The following TASP1 variants were observed in gnomAD, a reference collection of about 807,000 sequenced individuals.
TASP1 encodes the protein taspase 1.
In TASP1, 16 loss-of-function variants were observed where a neutral mutation model predicts 56.6. That is an observed-to-expected ratio of 0.28 (90% CI 0.19 to 0.43). TASP1 has a LOEUF of 0.43. Ranked by LOEUF, TASP1 falls within the 20% of genes least tolerant of loss-of-function variation. TASP1 has a pLI of 1.00. For synonymous variants in TASP1, 179 were observed against 184.2 expected (o/e 0.97, Z 0.23); for missense variants, 393 against 511.6 (o/e 0.77, Z 2.24).
chr20:13,448,096 T>C (rs559103032), intron 11 of TASP1, among the ~76,000 whole-genome samples: 1 of 152,288 alleles, frequency 6.6e-6, no homozygotes, highest in Non-Finnish European at 1.5e-5. Context: ...TTTGTGCTTT[T>C]ACAATTACAA....
rs556238793 is a variant in TASP1, at chr20:13,541,876, T to C, written c.676-7735A>G. On this transcript the variant is annotated intron_variant, in intron 8 of 13. Coordinates refer to ENST00000337743, the MANE Select transcript of TASP1 (RefSeq NM_017714.3). Reference sequence around the variant, plus strand: ...TTAAAACACACAGTGAAACCCTGTCTCTACTAAAAATACAAAACATGAGCC... The same window carrying C: ...TTAAAACACACAGTGAAACCCTGTCCCTACTAAAAATACAAAACATGAGCC... Among the ~76,000 whole-genome samples the C allele has an allele frequency of 2.0e-5, 3 of 151,962 alleles. No homozygotes were observed. In the South Asian group the frequency reaches 6.2e-4, roughly 32 times the overall value.
At chr20:13,480,127 G>A (rs1355366335) in intron 11 of TASP1, among the ~76,000 whole-genome samples, 1 of 152,118 alleles carries the variant, frequency 6.6e-6, no homozygotes, top group Non-Finnish European at 1.5e-5. Flanking sequence ...TTATCTGCCT[G>A]AAAAGAATTT....
chr20:13,542,692 A>G (rs887953005), intron 8 of TASP1, among the ~76,000 whole-genome samples: 2 of 152,200 alleles, frequency 1.3e-5, no homozygotes, highest in East Asian at 3.8e-4. Flanking sequence ...AAAGTAGATA[A>G]AATTTGGAAA....
intron 13 of TASP1, among the ~76,000 whole-genome samples, chr20:13,415,389 T>C (rs950786750): frequency 6.6e-6 from 1 of 152,030 alleles, no homozygotes; most frequent in Admixed American, 6.6e-5. Context: ...TAATTTTTCT[T>C]TTTGATCAAT....
chr20:13,544,883 A>C (rs1160419639), intron 8 of TASP1, among the ~76,000 whole-genome samples: 1 of 152,238 alleles, frequency 6.6e-6, no homozygotes, highest in East Asian at 1.9e-4. Context: ...GGAAGGTAAC[A>C]TGGACAATCT....
At chr20:13,487,873 T>C (rs1202862494) in intron 10 of TASP1, among the ~76,000 whole-genome samples, 7 of 152,178 alleles carry the variant, frequency 4.6e-5, no homozygotes, top group African/African-American at 1.7e-4. Context: ...AAAATCTTCT[T>C]AATGTTTTTT....
chr20:13,198,851 T>TTTCC, the TASP1 span, among the ~76,000 whole-genome samples: 6 of 71,334 alleles, frequency 8.4e-5, no homozygotes, highest in African/African-American at 2.7e-4. Flanking sequence ...TCTTTCTTTC[T>TTTCC]TTCTTTCCTT....
intron 8 of TASP1, among the ~76,000 whole-genome samples, chr20:13,542,299 T>C (rs571434783): frequency 2.0e-5 from 3 of 152,272 alleles, no homozygotes; most frequent in South Asian, 4.1e-4. Flanking sequence ...GGGCTTTACA[T>C]GATAAATGCT....
intron 13 of TASP1, among the ~76,000 whole-genome samples, chr20:13,406,514 G>C (rs957292485): frequency 6.6e-6 from 1 of 152,102 alleles, no homozygotes; most frequent in Non-Finnish European, 1.5e-5. Context: ...TAGAAGTGAT[G>C]AGTGGATGCC....
the TASP1 span, among the ~76,000 whole-genome samples, chr20:13,344,734 G>A: frequency 4.6e-5 from 7 of 152,104 alleles, no homozygotes; most frequent in South Asian, 2.1e-4. Flanking sequence ...CATGTTCCCC[G>A]AGGGCCTTGT....
chr20:13,262,906 A>G, the TASP1 span, among the ~76,000 whole-genome samples: 1 of 152,280 alleles, frequency 6.6e-6, no homozygotes, highest in Middle Eastern at 3.4e-3. Context: ...TAAAGTAAAC[A>G]TCGTTATGAT....
chr20:13,585,952 T>C (rs907921213), intron 5 of TASP1, among the ~76,000 whole-genome samples: 4 of 151,994 alleles, frequency 2.6e-5, no homozygotes, highest in African/African-American at 9.7e-5. Context: ...CTGGCCAACA[T>C]GGTGAAACCC....
intron 8 of TASP1, among the ~76,000 whole-genome samples, chr20:13,541,840 C>A (rs1164946070): frequency 1.3e-5 from 2 of 151,726 alleles, no homozygotes; most frequent in Non-Finnish European, 2.9e-5. Flanking sequence ...AACGGCAAAC[C>A]TGCATATAAA....
intron 9 of TASP1, among the ~76,000 whole-genome samples, chr20:13,529,215 C>G (rs2045115293): frequency 6.6e-6 from 1 of 152,194 alleles, no homozygotes; most frequent in Non-Finnish European, 1.5e-5. Context: ...ATTTATACAT[C>G]TGAAACCATC....
At chr20:13,346,717 G>T in the TASP1 span, among the ~76,000 whole-genome samples, 1 of 152,208 alleles carries the variant, frequency 6.6e-6, no homozygotes, top group East Asian at 1.9e-4. Flanking sequence ...AGTCATCAGG[G>T]CTTCAGAGAA....
At chr20:13,318,940 T>C in the TASP1 span, among the ~76,000 whole-genome samples, 1 of 152,170 alleles carries the variant, frequency 6.6e-6, no homozygotes, top group Non-Finnish European at 1.5e-5. Context: ...TGTGTTACTA[T>C]AATGGTTAAT....
chr20:13,132,268 T>G, the TASP1 span, among the ~76,000 whole-genome samples: 1 of 145,102 alleles, frequency 6.9e-6, no homozygotes, highest in Non-Finnish European at 1.5e-5. Context: ...CCTCCACCTC[T>G]CGGGCTCAAG....
At chr20:13,216,019 T>C in the TASP1 span, among the ~76,000 whole-genome samples, 3 of 152,312 alleles carry the variant, frequency 2.0e-5, no homozygotes. Context: ...GGGCTTCCAG[T>C]TTACCTCTAA....
At chr20:13,228,755 C>G in the TASP1 span, among the ~76,000 whole-genome samples, 1 of 152,104 alleles carries the variant, frequency 6.6e-6, no homozygotes, top group Admixed American at 6.5e-5. Context: ...TACTCTTTTT[C>G]TGGAACTCCT....
Sources: allele counts gnomAD v4.1 joint callset (sites outside exome capture counted in the v4.1 genomes callset), GRCh38; gene constraint gnomAD v4.1.1; transcripts MANE v1.5; gene names NCBI Gene and HGNC (gene_info 2026-07-23, HGNC 2026-07-21).